The following GREM1 variants were observed in gnomAD, a reference collection of about 807,000 sequenced individuals.
GREM1 encodes the protein gremlin-1.
A neutral mutation model predicts 13.1 loss-of-function variants in GREM1; 6 were observed. That is an observed-to-expected ratio of 0.46 (90% CI 0.25 to 0.91). The LOEUF (loss-of-function observed/expected upper bound fraction) is 0.91, where lower values mean the gene tolerates loss of function less well. Ranked by LOEUF, GREM1 falls within the 40% of genes least tolerant of loss-of-function variation. The pLI is 0.18. For synonymous variants in GREM1, 98 were observed against 93.7 expected, an observed-to-expected ratio of 1.05 and a Z score of -0.27; for missense variants, 185 against 233.9, an observed-to-expected ratio of 0.79 and a Z score of 1.36.
At chr15:32,725,432 T>C (rs1419600650) in intron 1 of GREM1, among the ~76,000 whole-genome samples, 12 of 152,246 alleles carry the variant, frequency 7.9e-5, no homozygotes, top group Admixed American at 7.9e-4. Flanking sequence ...CATAAATGTC[T>C]TCTTTTGAGA....
intron 1 of GREM1, among the ~76,000 whole-genome samples, chr15:32,726,809 A>G (rs1468210754): frequency 6.6e-6 from 1 of 152,088 alleles, no homozygotes; most frequent in East Asian, 1.9e-4. Context: ...GACACAATAA[A>G]AAGTGATAAA....
chr15:32,735,918 A>G lies in GREM1; in HGVS notation c.*4673A>G, dbSNP rs1010389947. On this transcript the variant is annotated 3_prime_UTR_variant, in exon 2 of 2. Coordinates refer to ENST00000651154, the MANE Select transcript of GREM1 (RefSeq NM_013372.7). ...TCTTATAGCTCTGGAAATTAACTGA[A>G]GATGTATAGCAATTTGCAGAGCATT... The G allele has an allele frequency of 2.0e-5, 3 of 152,220 alleles. No individual in the cohort carries two copies. The highest frequency in any genetic ancestry group is 1.3e-4 in the Admixed American group (2 of 15,288). The allele number at this position is 152,220 out of a possible 1,614,324, so 9.4% of individuals were successfully genotyped here. A position where few individuals can be genotyped will look rare whatever the true frequency, so the allele number is the denominator to read the frequency against.
At position 32,743,754 on chromosome 15, in the gene GREM1, TGGG is replaced by T. The variant is rs1466870661; in HGVS notation, c.*12512_*12514del. ...TGTAAGGAAACAAAGCTGGCTTACT[TGGG>T]GGCAGGATTTTTTTTTTTCCCAGTT... On this transcript the variant is annotated 3_prime_UTR_variant, in exon 2 of 2. Coordinates refer to ENST00000651154, the MANE Select transcript of GREM1 (RefSeq NM_013372.7). 6.7e-6 allele frequency: 1 copy of T among 149,666 alleles called. No homozygotes were observed. Among genetic ancestry groups the T allele is most frequent in the African/African-American group, 2.4e-5 (1 of 41,038 alleles). 9.3% of individuals were successfully genotyped at this position (149,666 alleles called of 1,614,324 possible).
In GREM1 at chr15:32,735,549, C is replaced by T. The variant is rs1244723395; in HGVS notation, c.*4304C>T. ...ATTGTTCACATCTAGCGATTAAGGCCACCCTGAGATTATAGCTGCATCATC... is the reference window on the plus strand; with the variant it reads ...ATTGTTCACATCTAGCGATTAAGGCTACCCTGAGATTATAGCTGCATCATC... On this transcript the variant is annotated 3_prime_UTR_variant, in exon 2 of 2. Transcript: ENST00000651154. 6.6e-6 allele frequency: 1 copy of T among 152,146 alleles called. No individual in the cohort carries two copies. The highest frequency in any genetic ancestry group is 1.9e-4 in the East Asian group (1 of 5,188). 9.4% of individuals were successfully genotyped at this position (152,146 alleles called of 1,614,324 possible). A position where few individuals can be genotyped will look rare whatever the true frequency, so the allele number is the denominator to read the frequency against.
Position 32,732,283 on chromosome 15 carries a change from T to G in GREM1, c.*1038T>G. The G allele has an allele frequency of 4.2e-6, 1 of 237,500 alleles. No individual in the cohort carries two copies. Among genetic ancestry groups the G allele is most frequent in the Non-Finnish European group, 9.0e-6 (1 of 111,522 alleles). The allele number at this position is 237,500 out of a possible 1,614,324, so 14.7% of individuals were successfully genotyped here. A position where few individuals can be genotyped will look rare whatever the true frequency, so the allele number is the denominator to read the frequency against. On this transcript the variant is annotated 3_prime_UTR_variant, in exon 2 of 2. Coordinates refer to ENST00000651154, the MANE Select transcript of GREM1 (RefSeq NM_013372.7). Reference sequence around the variant, plus strand: ...AGGCTGAAATTCCTAATACCTTTCCTTTATCGTGGTTATAGTCAGCTCATT... The same window carrying G: ...AGGCTGAAATTCCTAATACCTTTCCGTTATCGTGGTTATAGTCAGCTCATT...
Position 32,744,910 on chromosome 15 carries a change from T to G in GREM1, c.*13665T>G, listed in dbSNP as rs549825557. 2.0e-5 allele frequency: 3 copies of G among 152,302 alleles called. No homozygotes were observed. In the East Asian group the frequency reaches 5.8e-4, roughly 29 times the overall value. 9.4% of individuals were successfully genotyped at this position (152,302 alleles called of 1,614,324 possible). On this transcript the variant is annotated 3_prime_UTR_variant, in exon 2 of 2. Transcript: ENST00000651154. ...CATTCACTCTCCACATCTCCAATCC[T>G]GGCATTGTCTGCTTTGTTACTTGTT...
In GREM1 at chr15:32,731,430, T is replaced by C; in HGVS notation, c.*185T>C. On this transcript the variant is annotated 3_prime_UTR_variant, in exon 2 of 2. Transcript: ENST00000651154. The stretch of plus-strand genomic sequence containing the variant: ...GTGGATGGGTGCCTGTGGGTGTTTT[T>C]AGACACCAGAGAAAACACAGTCTCT... 1.6e-6 allele frequency: 1 copy of C among 614,878 alleles called. No homozygotes were observed. Among genetic ancestry groups the C allele is most frequent in the Non-Finnish European group, 3.0e-6 (1 of 338,948 alleles). The allele number at this position is 614,878 out of a possible 1,614,324, so 38.1% of individuals were successfully genotyped here.
chr15:32,723,986 C>T (rs1157433499), intron 1 of GREM1, among the ~76,000 whole-genome samples: 1 of 152,154 alleles, frequency 6.6e-6, no homozygotes, highest in Non-Finnish European at 1.5e-5. Flanking sequence ...CTGGTGAAGG[C>T]ATTTTAAAAT....
At chr15:32,724,801 TC>T (rs2055471044) in intron 1 of GREM1, among the ~76,000 whole-genome samples, 1 of 128,080 alleles carries the variant, frequency 7.8e-6, no homozygotes, top group Non-Finnish European at 1.6e-5. Context: ...CCCCCACCCC[TC>T]GACAGGCCCC....
Position 32,736,648 on chromosome 15 carries a change from G to GAC in GREM1, c.*5404_*5405dup, listed in dbSNP as rs1218768706. The GAC allele has an allele frequency of 3.9e-5, 6 of 152,238 alleles. No individual in the cohort carries two copies. Among genetic ancestry groups the GAC allele is most frequent in the Admixed American group, 2.0e-4 (3 of 15,290 alleles). 9.4% of individuals were successfully genotyped at this position (152,238 alleles called of 1,614,324 possible). ...GGAAATCCGTGTACAACTATTAGATGACTACTAACCAAGCAGAGACTTCAG... is the reference window on the plus strand; with the variant it reads ...GGAAATCCGTGTACAACTATTAGATGACACTACTAACCAAGCAGAGACTTCAG... On this transcript the variant is annotated 3_prime_UTR_variant, in exon 2 of 2. Transcript: ENST00000651154.
chr15:32,729,116 C>A (rs530178911), intron 1 of GREM1, among the ~76,000 whole-genome samples: 27 of 151,878 alleles, frequency 1.8e-4, no homozygotes, highest in African/African-American at 6.5e-4. Flanking sequence ...CTCTGACTCC[C>A]GGGTTCACGC....
chr15:32,719,995 A>T (rs1317090452), intron 1 of GREM1, among the ~76,000 whole-genome samples: 1 of 152,184 alleles, frequency 6.6e-6, no homozygotes, highest in African/African-American at 2.4e-5. Context: ...TGATTTGATT[A>T]CTATCTCTGG....
At chr15:32,724,397 G>A (rs970992000) in intron 1 of GREM1, among the ~76,000 whole-genome samples, 2 of 152,230 alleles carry the variant, frequency 1.3e-5, no homozygotes, top group African/African-American at 4.8e-5. Flanking sequence ...GAAGACTGGG[G>A]CATAGGCCTG....
rs1418283251 is a variant in GREM1, at chr15:32,734,062, T to G, written c.*2817T>G. The G allele has an allele frequency of 2.5e-5, 6 of 242,986 alleles. No homozygotes were observed. The allele number at this position is 242,986 out of a possible 1,614,324, so 15.1% of individuals were successfully genotyped here. A position where few individuals can be genotyped will look rare whatever the true frequency, so the allele number is the denominator to read the frequency against. ...GTTTTCTTTTTCTCCTTTATATGACTTTCTCTGAGTTGGGCAAAGAAGAAG... is the reference window on the plus strand; with the variant it reads ...GTTTTCTTTTTCTCCTTTATATGACGTTCTCTGAGTTGGGCAAAGAAGAAG... On this transcript the variant is annotated 3_prime_UTR_variant, in exon 2 of 2. Transcript: ENST00000651154.
At position 32,732,065 on chromosome 15, in the gene GREM1, A is replaced by G. The variant is rs2055628623; in HGVS notation, c.*820A>G. On this transcript the variant is annotated 3_prime_UTR_variant, in exon 2 of 2. Coordinates refer to ENST00000651154, the MANE Select transcript of GREM1 (RefSeq NM_013372.7). ...CAGAGGAGAAATGAGATTGCCAGAAAGTGATTAACTTTGGCCGTTGCAATC... is the reference window on the plus strand; with the variant it reads ...CAGAGGAGAAATGAGATTGCCAGAAGGTGATTAACTTTGGCCGTTGCAATC... 1 of 236,990 alleles carries G rather than the reference A, an allele frequency of 4.2e-6. No individual in the cohort carries two copies. The highest frequency in any genetic ancestry group is 2.2e-5 in the African/African-American group (1 of 44,770). 14.7% of individuals were successfully genotyped at this position (236,990 alleles called of 1,614,324 possible). A position where few individuals can be genotyped will look rare whatever the true frequency, so the allele number is the denominator to read the frequency against.
chr15:32,728,313 T>C (rs897226210), intron 1 of GREM1, among the ~76,000 whole-genome samples: 18 of 152,110 alleles, frequency 1.2e-4, no homozygotes, highest in African/African-American at 3.9e-4. Flanking sequence ...GTAAAGTAAT[T>C]TTTTTGTTGT....
Position 32,730,962 on chromosome 15 carries a change from G to T in GREM1, c.272G>T (p.Arg91Leu), listed in dbSNP as rs1216397987. The T allele has an allele frequency of 6.2e-7, 1 of 1,614,042 alleles. No homozygotes were observed. Among genetic ancestry groups the T allele is most frequent in the African/African-American group, 1.3e-5 (1 of 74,938 alleles). ...GTGACGGAGCGCAAATACCTGAAGCGAGACTGGTGCAAAACCCAGCCGCTT... is the reference window on the plus strand; with the variant it reads ...GTGACGGAGCGCAAATACCTGAAGCTAGACTGGTGCAAAACCCAGCCGCTT... ...LHVTERKYLK[R>L]DWCKTQPLKQ... Residue 91 changes from arginine to leucine, a missense_variant, in exon 2 of 2, where the codon CGA becomes CTA. Coordinates refer to ENST00000651154, the MANE Select transcript of GREM1 (RefSeq NM_013372.7).
chr15:32,731,134 A>G lies in GREM1; in HGVS notation c.444A>G (p.Lys148=). ...FQSCSFCKPK[K]FTTMMVTLNC... is the part of the protein sequence containing the mutation. The stretch of plus-strand genomic sequence containing the variant: ...CCTGCTCCTTCTGCAAGCCCAAGAA[A>G]TTCACTACCATGATGGTCACACTCA... Residue 148 remains lysine (K), a synonymous_variant, in exon 2 of 2, where the codon AAA becomes AAG. Transcript: ENST00000651154. 1 of 1,614,146 alleles carries G rather than the reference A, an allele frequency of 6.2e-7. No individual in the cohort carries two copies. Among genetic ancestry groups the G allele is most frequent in the Non-Finnish European group, 8.5e-7 (1 of 1,180,000 alleles).
intron 1 of GREM1, among the ~76,000 whole-genome samples, chr15:32,728,809 T>G (rs919165977): frequency 2.6e-5 from 4 of 152,184 alleles, no homozygotes; most frequent in African/African-American, 9.7e-5. Context: ...CCGATTGTTG[T>G]GATGGCCGCA....
Sources: allele counts gnomAD v4.1 joint callset (sites outside exome capture counted in the v4.1 genomes callset), GRCh38; gene constraint gnomAD v4.1.1; transcripts MANE v1.5; gene names NCBI Gene and HGNC (gene_info 2026-07-23, HGNC 2026-07-21).